Variants in VPS13D observed in about 807,000 individuals in gnomAD.
The protein encoded by VPS13D is intermembrane lipid transfer protein VPS13D.
In VPS13D, 187 loss-of-function variants were observed where a neutral mutation model predicts 461.9. The ratio of observed to expected loss-of-function variants is 0.40; its 90% CI spans 0.36 to 0.46. VPS13D has a LOEUF of 0.46. Ranked by LOEUF, VPS13D falls within the 20% of genes least tolerant of loss-of-function variation. The pLI is 0.60. For synonymous variants in VPS13D, 1,951 were observed against 1,986.3 expected (o/e 0.98, Z 0.47); for missense variants, 4,711 against 5,364.9 (o/e 0.88, Z 3.81).
chr1:12,379,495 C>T lies in VPS13D; in HGVS notation c.11089C>T (p.Pro3697Ser). Residue 3697 changes from proline to serine, a missense_variant, in exon 57 of 70, where the codon CCA (proline) becomes TCA (serine). Transcript: ENST00000620676. ...GTGTATTCCGTTTTCCAGATACGAG[C>T]CACTGATGCTGAGAAAGCCTGACCG... ...LAAVTDNRYE[P>S]LMLRKPDRRR... is the part of the protein sequence containing the mutation. 1 of 1,612,340 alleles carries T rather than the reference C, an allele frequency of 6.2e-7. No individual in the cohort carries two copies. The highest frequency in any genetic ancestry group is 8.5e-7 in the Non-Finnish European group (1 of 1,179,228).
chr1:12,384,940 C>A (rs1644331510), intron 58 of VPS13D, among the ~76,000 whole-genome samples: 1 of 152,074 alleles, frequency 6.6e-6, no homozygotes, highest in South Asian at 2.1e-4. Flanking sequence ...CTTTAAAAAA[C>A]AATCTTAAGG....
chr1:12,486,164 C>T (rs1163589146), intron 67 of VPS13D, among the ~76,000 whole-genome samples: 1 of 152,168 alleles, frequency 6.6e-6, no homozygotes, highest in Non-Finnish European at 1.5e-5. Flanking sequence ...GAGAAGGTAC[C>T]ATCTCTTGCT....
Position 12,260,708 on chromosome 1 carries a change from A to G in VPS13D, c.1126A>G (p.Ile376Val). 1 of 1,614,052 alleles carries G rather than the reference A, an allele frequency of 6.2e-7. No homozygotes were observed. Among genetic ancestry groups the G allele is most frequent in the Non-Finnish European group, 8.5e-7 (1 of 1,179,988 alleles). ...ACCCAAACAGGAGGAAATGTGTCGG[A>G]TTGAAGAGGAACAGAGCTTTGAGGA... ...STDDKEEMCRIEEEQSFEELK... is the reference protein window; with the variant it reads ...STDDKEEMCRVEEEQSFEELK... Residue 376 changes from isoleucine (I) to valine (V), a missense_variant, in exon 11 of 70, where the codon ATT becomes GTT. This residue lies in a region of VPS13D where 4,411 missense variants were observed against 4,937.8 expected (regional missense o/e 0.89). Coordinates refer to ENST00000620676, the MANE Select transcript of VPS13D (RefSeq NM_015378.4).
intron 67 of VPS13D, among the ~76,000 whole-genome samples, chr1:12,464,488 C>T (rs886336757): frequency 1.3e-5 from 2 of 152,170 alleles, no homozygotes; most frequent in Non-Finnish European, 2.9e-5. Flanking sequence ...AGTACTCCTT[C>T]CAGTAATCCA....
At position 12,256,232 on chromosome 1, in the gene VPS13D, G is replaced by T. The variant is rs1640916885; in HGVS notation, c.670-101G>T. 17 of 1,370,674 alleles carry T rather than the reference G, an allele frequency of 1.2e-5. No individual in the cohort carries two copies. In the South Asian group the frequency reaches 2.1e-4, roughly 17 times the overall value. The allele number at this position is 1,370,674 out of a possible 1,614,324, so 84.9% of individuals were successfully genotyped here. A position where few individuals can be genotyped will look rare whatever the true frequency, so the allele number is the denominator to read the frequency against. On this transcript the variant is annotated intron_variant, in intron 7 of 69. Coordinates refer to ENST00000620676, the MANE Select transcript of VPS13D (RefSeq NM_015378.4). ...TATTTGCCGCTGTGACACAGCCTAT[G>T]GCTGAGCTCCACTGTTTGTCATAAA...
chr1:12,238,745 C>G (rs1195268902), intron 2 of VPS13D, among the ~76,000 whole-genome samples: 2 of 151,704 alleles, frequency 1.3e-5, no homozygotes, highest in African/African-American at 4.8e-5. Flanking sequence ...AAGCGATCCT[C>G]CTGCCTCAGC....
At chr1:12,275,729 G>C (rs2101354398) in intron 18 of VPS13D, 96 bp from the exon 19 acceptor site, 1 of 1,255,932 alleles carries the variant, frequency 8.0e-7, no homozygotes, top group Non-Finnish European at 1.1e-6. Context: ...AACAAACTGG[G>C]GTTGGTTGAT....
At chr1:12,478,565 A>G in intron 67 of VPS13D, 1 of 345,862 alleles carries the variant, frequency 2.9e-6, no homozygotes, top group Non-Finnish European at 5.7e-6. Flanking sequence ...CACTGCATGT[A>G]ATAGAACCAG....
intron 62 of VPS13D, among the ~76,000 whole-genome samples, chr1:12,403,195 G>T (rs1644602564): frequency 1.3e-5 from 2 of 152,250 alleles, no homozygotes; most frequent in South Asian, 4.1e-4. Flanking sequence ...AGCATCAAGT[G>T]CAAAGAGCAC....
chr1:12,268,434 G>T (rs767484590), intron 15 of VPS13D, among the ~76,000 whole-genome samples: 12 of 151,912 alleles, frequency 7.9e-5, no homozygotes, highest in Non-Finnish European at 1.5e-4. Flanking sequence ...GTGGAGCTGC[G>T]AACTTGGGGC....
chr1:12,494,870 C>G (rs913789124), intron 67 of VPS13D, among the ~76,000 whole-genome samples: 1 of 152,188 alleles, frequency 6.6e-6, no homozygotes, highest in African/African-American at 2.4e-5. Context: ...AAACTCTCCA[C>G]CAAAGCTTGC....
intron 63 of VPS13D, 123 bp from the exon 64 acceptor site, chr1:12,414,963 CA>C (rs1200855408): frequency 1.9e-5 from 21 of 1,126,016 alleles, no homozygotes; most frequent in Non-Finnish European, 1.6e-5. Flanking sequence ...TATTTATAAA[CA>C]TCAAAACCTG....
At chr1:12,370,342 A>G (rs1644098835) in intron 54 of VPS13D, among the ~76,000 whole-genome samples, 1 of 152,256 alleles carries the variant, frequency 6.6e-6, no homozygotes, top group South Asian at 2.1e-4. Flanking sequence ...GTGCTGAAAT[A>G]ACAGGGCCAA....
At position 12,256,422 on chromosome 1, in the gene VPS13D, C is replaced by T. The variant is rs769918595; in HGVS notation, c.759C>T (p.Ser253=). The T allele has an allele frequency of 1.2e-6, 2 of 1,614,112 alleles. No individual in the cohort carries two copies. The highest frequency in any genetic ancestry group is 2.2e-5 in the East Asian group (1 of 44,886). ...FASALLKRNC[S]KKPLRSRHSP... ...CTGCTCTTTTGAAGAGAAACTGCTC[C>T]AAGAAGCCCCTGCGGTCTCGGCACA... The change falls in exon 8 of 70, where the codon TCC becomes TCT. Residue 253 remains serine, a synonymous_variant. Transcript: ENST00000620676.
At chr1:12,253,573 A>G (rs1309966932) in intron 6 of VPS13D, 149 bp from the exon 7 acceptor site, 1 of 615,664 alleles carries the variant, frequency 1.6e-6, no homozygotes, top group East Asian at 2.9e-5. Flanking sequence ...GAACTCTGTA[A>G]GAGCAGAAGC....
intron 68 of VPS13D, chr1:12,499,725 G>A (rs1384848860): frequency 1.7e-5 from 17 of 985,286 alleles, no homozygotes; most frequent in Non-Finnish European, 2.0e-5. Context: ...TGCTGAAGGA[G>A]GCACGTGACC....
In VPS13D at chr1:12,401,692, C is replaced by A. The variant is rs1212107326; in HGVS notation, c.11869C>A (p.Gln3957Lys). 62 of 1,612,858 alleles carry A rather than the reference C, an allele frequency of 3.8e-5. No homozygotes were observed. The highest frequency in any genetic ancestry group is 5.2e-5 in the Non-Finnish European group (61 of 1,179,088). ...GCTGCTAAGTTTCTTTGGCTACGAT[C>A]AAGCAGAATCAGGTAATGTTGAATG... ...LKLLSFFGYD[Q>K]AESEVEKYDE... is the part of the protein sequence containing the mutation. The change falls in exon 62 of 70, where the codon CAA becomes AAA. Residue 3957 changes from glutamine to lysine, a missense_variant. This residue lies in a region of VPS13D where 4,411 missense variants were observed against 4,937.8 expected (regional missense o/e 0.89). Coordinates refer to ENST00000620676, the MANE Select transcript of VPS13D (RefSeq NM_015378.4).
chr1:12,446,174 T>C (rs1645190022), intron 65 of VPS13D, among the ~76,000 whole-genome samples: 1 of 152,142 alleles, frequency 6.6e-6, no homozygotes, highest in South Asian at 2.1e-4. Context: ...CCCAGAACTT[T>C]GGGAGGCCAA....
intron 22 of VPS13D, among the ~76,000 whole-genome samples, chr1:12,288,742 G>A (rs145549388): frequency 6.6e-6 from 1 of 152,122 alleles, no homozygotes; most frequent in Non-Finnish European, 1.5e-5. Flanking sequence ...GCTGTCTCTG[G>A]GAAACCAGAG....
Sources: allele counts gnomAD v4.1 joint callset (sites outside exome capture counted in the v4.1 genomes callset), GRCh38; gene constraint gnomAD v4.1.1; regional missense constraint gnomAD v4.1.1; transcripts MANE v1.5; gene names NCBI Gene and HGNC (gene_info 2026-07-23, HGNC 2026-07-21).